TANC2: variants seen among roughly 807,000 people sequenced by gnomAD.
The protein encoded by TANC2 is protein TANC2.
Under a neutral mutation model 210.5 loss-of-function variants are expected in TANC2, and 26 were observed. The ratio of observed to expected loss-of-function variants is 0.12; its 90% CI spans 0.09 to 0.17. The LOEUF is 0.17. Ranked by LOEUF, TANC2 falls within the 10% of genes least tolerant of loss-of-function variation. The pLI is 1.00. For missense variants in TANC2, 2,129 were observed against 2,608.9 expected, an observed-to-expected ratio of 0.82 and a Z score of 4.01; for synonymous variants, 931 against 967.1, an observed-to-expected ratio of 0.96 and a Z score of 0.69.
Position 63,223,197 on chromosome 17 carries a change from A to C in TANC2, c.770-14617A>C, listed in dbSNP as rs182236741. Among the ~76,000 whole-genome samples, 10 of 152,322 alleles carry C rather than the reference A, an allele frequency of 6.6e-5. No homozygotes were observed. The South Asian group carries it at 1.0e-3, about 16-fold the overall frequency. Reference sequence around the variant, plus strand: ...GCTGAATAGAGGTGATGGTTGCACAACATTGGGAATGTACTAGATGCCATT... The same window carrying C: ...GCTGAATAGAGGTGATGGTTGCACACCATTGGGAATGTACTAGATGCCATT... On this transcript the variant is annotated intron_variant, in intron 7 of 27. Coordinates refer to ENST00000689528, the Ensembl canonical transcript of TANC2.
chr17:63,256,644 T>C (rs1401034358), intron 8 of TANC2, among the ~76,000 whole-genome samples: 2 of 152,236 alleles, frequency 1.3e-5, no homozygotes, highest in African/African-American at 4.8e-5. Flanking sequence ...CGAATGTTTC[T>C]TTTGATTTTC....
At chr17:63,232,543 C>T (rs182767433) in intron 7 of TANC2, among the ~76,000 whole-genome samples, 3 of 152,322 alleles carry the variant, frequency 2.0e-5, no homozygotes, top group African/African-American at 7.2e-5. Context: ...GGGGTCCATC[C>T]CATCCTGTTC....
At chr17:63,038,526 G>A (rs566251642) in intron 2 of TANC2, among the ~76,000 whole-genome samples, 4 of 151,868 alleles carry the variant, frequency 2.6e-5, no homozygotes, top group South Asian at 2.1e-4. Context: ...GAGTAATTCC[G>A]TCCTCATAAA....
At chr17:63,411,181 C>T (rs1301094697) in intron 21 of TANC2, among the ~76,000 whole-genome samples, 5 of 151,902 alleles carry the variant, frequency 3.3e-5, no homozygotes, top group African/African-American at 9.7e-5. Context: ...GGAGGATTGA[C>T]GGGAGATCCG....
Position 63,389,499 on chromosome 17 carries a change from A to C in TANC2, c.3006A>C (p.Ala1002=). ...CTCCCCTGGGATATGCTGCAGCAGC[A>C]GGGTACCTGAGCATTGTGGTGCTGC... The change falls in exon 17 of 28, where the codon GCA becomes GCC. Residue 1002 remains alanine (A), a synonymous_variant. Transcript: ENST00000689528. The C allele has an allele frequency of 3.7e-6, 6 of 1,612,898 alleles. No homozygotes were observed. The South Asian group carries it at 6.6e-5, about 18-fold the overall frequency.
intron 1 of TANC2, among the ~76,000 whole-genome samples, chr17:62,977,992 A>G (rs1010583097): frequency 2.0e-5 from 3 of 152,210 alleles, no homozygotes; most frequent in Non-Finnish European, 4.4e-5. Flanking sequence ...TTAACAATAT[A>G]TCATGGCTAT....
intron 4 of TANC2, among the ~76,000 whole-genome samples, chr17:63,138,795 C>G (rs1388198262): frequency 6.6e-6 from 1 of 152,190 alleles, no homozygotes; most frequent in Non-Finnish European, 1.5e-5. Context: ...CAAGAATGAC[C>G]TCATGATTTA....
At chr17:63,141,378 C>CTA (rs1414533445) in intron 4 of TANC2, among the ~76,000 whole-genome samples, 1 of 27,996 alleles carries the variant, frequency 3.6e-5, no homozygotes, top group South Asian at 1.6e-3. Context: ...CCCGTTTCTA[C>CTA]TAAAAAAAAA....
intron 17 of TANC2, among the ~76,000 whole-genome samples, chr17:63,394,713 C>G (rs371964311): frequency 6.6e-6 from 1 of 152,326 alleles, no homozygotes; most frequent in East Asian, 1.9e-4. Context: ...TGAATCTGTT[C>G]CTGATTCTAG....
At chr17:63,221,700 T>C (rs2042197279) in intron 7 of TANC2, among the ~76,000 whole-genome samples, 1 of 152,160 alleles carries the variant, frequency 6.6e-6, no homozygotes, top group African/African-American at 2.4e-5. Context: ...ATTAAAACCA[T>C]AATTGGATAT....
At chr17:63,064,550 A>G (rs1242144187) in intron 2 of TANC2, among the ~76,000 whole-genome samples, 1 of 152,208 alleles carries the variant, frequency 6.6e-6, no homozygotes, top group East Asian at 1.9e-4. Flanking sequence ...TTAATCTCTT[A>G]AGCTTGATCT....
chr17:63,421,837 C>G lies in TANC2; in HGVS notation c.6107C>G (p.Thr2036Ser). Residue 2036 changes from threonine (T) to serine (S), a missense_variant, in exon 28 of 28, where the codon ACT becomes AGT. By Grantham distance (58) the Thr-to-Ser change is moderately conservative. Coordinates refer to ENST00000689528, the Ensembl canonical transcript of TANC2. This position sits in a 1 kb window ranked among gnomAD's most constrained non-coding sequence, Gnocchi z 6.9. The stretch of plus-strand genomic sequence containing the variant: ...TATCCCGACGTGAAGGTAGCTCGGA[C>G]TCTACCTGTGGCTCAGGCATACCAG... 1 of 1,614,078 alleles carries G rather than the reference C, an allele frequency of 6.2e-7. No individual in the cohort carries two copies. Among genetic ancestry groups the G allele is most frequent in the South Asian group, 1.1e-5 (1 of 91,086 alleles).
chr17:63,025,048 A>G (rs2034495242), intron 2 of TANC2, among the ~76,000 whole-genome samples: 2 of 152,224 alleles, frequency 1.3e-5, no homozygotes, highest in African/African-American at 4.8e-5. Context: ...TGTTTTTCAT[A>G]GAAACATATT....
At chr17:63,264,958 C>CA (rs1010852273) in intron 8 of TANC2, among the ~76,000 whole-genome samples, 8 of 151,620 alleles carry the variant, frequency 5.3e-5, no homozygotes, top group South Asian at 2.1e-4. Flanking sequence ...GACTTCGTCT[C>CA]AAAAAAAAGG....
chr17:63,188,903 C>CA (rs940391003), intron 5 of TANC2, among the ~76,000 whole-genome samples: 37 of 150,744 alleles, frequency 2.5e-4, no homozygotes, highest in Middle Eastern at 3.4e-3. Context: ...CACCCCCCCC[C>CA]AAAAAAAAAT....
chr17:63,132,530 TC>T (rs749164534), intron 4 of TANC2, among the ~76,000 whole-genome samples: 11 of 152,198 alleles, frequency 7.2e-5, no homozygotes, highest in Non-Finnish European at 1.5e-4. Flanking sequence ...GAATGCTAGT[TC>T]TGTCTCTCCA....
chr17:63,313,372 G>A (rs776235351), intron 9 of TANC2: 4 of 152,172 alleles, frequency 2.6e-5, no homozygotes, highest in Admixed American at 6.5e-5. Context: ...TCAGGAAGCC[G>A]TTTAACCCAG....
At chr17:62,986,194 C>G (rs9914354) in intron 1 of TANC2, among the ~76,000 whole-genome samples, 38,293 of 152,088 alleles carry the variant, frequency 0.25, 5,299 homozygotes, top group African/African-American at 0.37. Context: ...AGTGGTGTGG[C>G]TTTGCCAGGG....
chr17:63,107,054 C>G (rs751479217), intron 4 of TANC2, among the ~76,000 whole-genome samples: 6 of 151,492 alleles, frequency 4.0e-5, no homozygotes, highest in Non-Finnish European at 8.8e-5. Flanking sequence ...GTCATTGATA[C>G]TTTTAAGATG....
Sources: allele counts gnomAD v4.1 joint callset (sites outside exome capture counted in the v4.1 genomes callset), GRCh38; gene constraint gnomAD v4.1.1; non-coding constraint Gnocchi (gnomAD v3.1); transcripts MANE v1.5; gene names NCBI Gene and HGNC (gene_info 2026-07-23, HGNC 2026-07-21).